The following SCFD2 variants were observed in gnomAD, a reference collection of about 807,000 sequenced individuals.
The protein encoded by SCFD2 is sec1 family domain containing 2, also known as sec1 family domain-containing protein 2.
Under a neutral mutation model 58.9 loss-of-function variants are expected in SCFD2, and 54 were observed. That is an observed-to-expected ratio of 0.92 (90% CI 0.74 to 1.15). The LOEUF (loss-of-function observed/expected upper bound fraction) is 1.15, where lower values mean the gene tolerates loss of function less well. SCFD2 is among the 50% of genes most tolerant of loss of function. The probability of loss-of-function intolerance (pLI) is 0.00; values close to 1 mark genes in which losing one functional copy is unlikely to be tolerated. For synonymous variants in SCFD2, 321 were observed against 335.9 expected, an observed-to-expected ratio of 0.96 and a Z score of 0.49; for missense variants, 805 against 836.6, an observed-to-expected ratio of 0.96 and a Z score of 0.47.
At chr4:53,328,321 TTCTCCACCAAAAAGAA>T (rs1187306789) in intron 2 of SCFD2, among the ~76,000 whole-genome samples, 1 of 152,060 alleles carries the variant, frequency 6.6e-6, no homozygotes, top group East Asian at 1.9e-4. Context: ...CTAAATACAA[TTCTCCACCAAAAAGAA>T]TCAGTGCTCT....
At chr4:53,055,090 T>C (rs1333735738) in intron 5 of SCFD2, among the ~76,000 whole-genome samples, 4 of 152,190 alleles carry the variant, frequency 2.6e-5, no homozygotes, top group African/African-American at 4.8e-5. Context: ...TAACACCTAA[T>C]TGTGGTACCT....
At chr4:53,161,419 A>C (rs1295844344) in intron 4 of SCFD2, among the ~76,000 whole-genome samples, 1 of 152,238 alleles carries the variant, frequency 6.6e-6, no homozygotes, top group Non-Finnish European at 1.5e-5. Context: ...AAACATAAGA[A>C]GCTTACAGAA....
At chr4:53,255,441 C>G (rs1292722256) in intron 4 of SCFD2, among the ~76,000 whole-genome samples, 2 of 152,054 alleles carry the variant, frequency 1.3e-5, no homozygotes, top group East Asian at 3.9e-4. Context: ...CTTCAAGCAT[C>G]TGTTTAACAA....
intron 5 of SCFD2, among the ~76,000 whole-genome samples, chr4:52,944,940 C>T (rs534316063): frequency 1.8e-4 from 27 of 152,198 alleles, no homozygotes; most frequent in Non-Finnish European, 3.1e-4. Context: ...ACTCCTGTAT[C>T]AATAAGTAAA....
At chr4:53,255,707 C>T (rs1320271465) in intron 4 of SCFD2, among the ~76,000 whole-genome samples, 3 of 152,218 alleles carry the variant, frequency 2.0e-5, no homozygotes, top group Non-Finnish European at 4.4e-5. Flanking sequence ...CATCATGGCC[C>T]GTTCTCAATG....
At chr4:53,234,046 A>G (rs1729520100) in intron 4 of SCFD2, among the ~76,000 whole-genome samples, 1 of 152,230 alleles carries the variant, frequency 6.6e-6, no homozygotes, top group South Asian at 2.1e-4. Context: ...AAGCAATACT[A>G]GAAAAGCAGG....
At chr4:53,063,603 C>A (rs1215263717) in intron 5 of SCFD2, among the ~76,000 whole-genome samples, 3 of 152,030 alleles carry the variant, frequency 2.0e-5, no homozygotes, top group African/African-American at 7.2e-5. Flanking sequence ...GTCAGATAAA[C>A]AGGGAAGTTA....
At chr4:53,247,905 T>A (rs1577892375) in intron 4 of SCFD2, among the ~76,000 whole-genome samples, 1 of 145,178 alleles carries the variant, frequency 6.9e-6, no homozygotes, top group South Asian at 2.2e-4. Flanking sequence ...AACAAGATCA[T>A]GTTTGGGGGA....
intron 5 of SCFD2, among the ~76,000 whole-genome samples, chr4:53,139,446 C>T (rs1726051980): frequency 7.7e-6 from 1 of 130,014 alleles, no homozygotes; most frequent in African/African-American, 2.5e-5. Context: ...GTGTCTCTGC[C>T]CCGCCGCCAC....
intron 5 of SCFD2, among the ~76,000 whole-genome samples, chr4:52,990,785 T>G (rs1721597643): frequency 6.6e-6 from 1 of 152,160 alleles, no homozygotes; most frequent in African/African-American, 2.4e-5. Context: ...GTAAAAGTCA[T>G]GAAACATTTA....
intron 3 of SCFD2, among the ~76,000 whole-genome samples, chr4:53,301,522 A>G (rs1394592704): frequency 6.6e-6 from 1 of 152,094 alleles, no homozygotes; most frequent in Non-Finnish European, 1.5e-5. Context: ...TACCAGAGGT[A>G]CAAGGAGGAA....
At chr4:53,021,271 GTTTTTAAAAATGTATC>G (rs1722343179) in intron 5 of SCFD2, among the ~76,000 whole-genome samples, 1 of 152,048 alleles carries the variant, frequency 6.6e-6, no homozygotes, top group African/African-American at 2.4e-5. Flanking sequence ...AATTGCAATT[GTTTTTAAAAATGTATC>G]TTTAAAAGGA....
At chr4:53,177,706 T>C (rs570384789) in intron 4 of SCFD2, among the ~76,000 whole-genome samples, 1 of 152,224 alleles carries the variant, frequency 6.6e-6, no homozygotes, top group East Asian at 1.9e-4. Flanking sequence ...AGCCAAGGCA[T>C]CGCCTCATCC....
chr4:53,091,895 T>A (rs546953769), intron 5 of SCFD2, among the ~76,000 whole-genome samples: 12 of 152,276 alleles, frequency 7.9e-5, no homozygotes, highest in African/African-American at 2.9e-4. Context: ...ATAATTTTAT[T>A]AATTGATATT....
intron 4 of SCFD2, 38 bp from the exon 5 acceptor site, chr4:53,145,620 T>C (rs1478250872): frequency 3.2e-6 from 5 of 1,570,722 alleles, no homozygotes; most frequent in Non-Finnish European, 4.4e-6. Context: ...GTCAATCTTG[T>C]ATAAAGACAT....
chr4:53,365,936 G>A lies in SCFD2; in HGVS notation c.6C>T (p.Ser2=). The A allele has an allele frequency of 1.3e-6, 2 of 1,529,026 alleles. No individual in the cohort carries two copies. The highest frequency in any genetic ancestry group is 1.8e-6 in the Non-Finnish European group (2 of 1,142,714). 94.7% of individuals were successfully genotyped at this position (1,529,026 alleles called of 1,614,324 possible). ...GGGTAAAGGACAGTACGCCCGAGGCGCTCATGGTTGGGGATTCGCAGACTT... is the reference window on the plus strand; with the variant it reads ...GGGTAAAGGACAGTACGCCCGAGGCACTCATGGTTGGGGATTCGCAGACTT... The part of the protein sequence containing the change: M[S]ASGVLSFTQQ... The change falls in exon 1 of 9, where the codon AGC becomes AGT. Residue 2 remains serine, a synonymous_variant. Coordinates refer to ENST00000401642, the MANE Select transcript of SCFD2 (RefSeq NM_152540.4). The surrounding 1 kb of genome is among the most constrained non-coding windows in gnomAD (Gnocchi z 4.3).
intron 3 of SCFD2, among the ~76,000 whole-genome samples, chr4:53,309,234 TG>T (rs1732612549): frequency 6.6e-6 from 1 of 152,198 alleles, no homozygotes; most frequent in East Asian, 1.9e-4. Context: ...TTAGGAGGAA[TG>T]TTAACAAACT....
At chr4:52,890,635 C>T (rs369824506) in intron 7 of SCFD2, among the ~76,000 whole-genome samples, 7 of 152,212 alleles carry the variant, frequency 4.6e-5, no homozygotes, top group Admixed American at 4.6e-4. Context: ...TGCAAATGCA[C>T]AGATTAATAA....
chr4:53,256,910 CGGGGAG>C (rs1265707809), intron 4 of SCFD2, among the ~76,000 whole-genome samples: 561 of 6,970 alleles, frequency 0.08, 6 homozygotes, highest in African/African-American at 0.2. Flanking sequence ...GGGAGGGGGA[CGGGGAG>C]GGGGAGGGGG....
Sources: gnomAD v4.1 joint callset for allele counts (sites outside exome capture counted in the v4.1 genomes callset) on GRCh38, gnomAD v4.1.1 for gene constraint, Gnocchi (gnomAD v3.1) non-coding constraint, MANE v1.5 for transcripts, NCBI Gene and HGNC (gene_info 2026-07-23, HGNC 2026-07-21) for gene names.